Variants in LUC7L2 observed in about 807,000 individuals in gnomAD.
LUC7L2 encodes the protein LUC7 like 2, pre-mRNA splicing factor, also known as putative RNA-binding protein Luc7-like 2.
LUC7L2 carries 25 observed loss-of-function variants against 52.8 expected under a neutral mutation model. That is an observed-to-expected ratio of 0.47 (90% CI 0.34 to 0.66). LUC7L2 has a LOEUF of 0.66. Ranked by LOEUF, LUC7L2 falls within the 30% of genes least tolerant of loss-of-function variation. The probability of loss-of-function intolerance (pLI) is 0.01; values close to 1 mark genes in which losing one functional copy is unlikely to be tolerated. For missense variants in LUC7L2, 328 were observed against 497.8 expected (o/e 0.66, Z 3.25); for synonymous variants, 144 against 160.9 (o/e 0.89, Z 0.80).
chr7:139,402,254 A>G lies in LUC7L2; in HGVS notation c.366+7A>G. ...TGCTGAAGTAGCAGCAAAGGTAAGA[A>G]TTTTAATCATTTCATTAGTACAAAG... On this transcript the variant is annotated splice_region_variant and intron_variant, in intron 4 of 9. Coordinates refer to ENST00000354926, the MANE Select transcript of LUC7L2 (RefSeq NM_016019.5). The G allele has an allele frequency of 6.3e-7, 1 of 1,583,864 alleles. No homozygotes were observed. The highest frequency in any genetic ancestry group is 8.5e-7 in the Non-Finnish European group (1 of 1,169,796).
chr7:139,379,044 A>G (rs1800854116), intron 2 of LUC7L2, among the ~76,000 whole-genome samples: 1 of 152,252 alleles, frequency 6.6e-6, no homozygotes. Flanking sequence ...TTTAGTAGAG[A>G]CGGGGTTTCA....
intron 9 of LUC7L2, among the ~76,000 whole-genome samples, chr7:139,420,509 A>C (rs944096619): frequency 6.6e-6 from 1 of 151,996 alleles, no homozygotes; most frequent in African/African-American, 2.4e-5. Context: ...CACCTTGGCT[A>C]AGTAATTTAT....
intron 4 of LUC7L2, among the ~76,000 whole-genome samples, chr7:139,403,740 T>C (rs147388656): frequency 8.2e-4 from 125 of 152,334 alleles, no homozygotes; most frequent in African/African-American, 2.8e-3. Flanking sequence ...GTCAGTGATT[T>C]AGGCTGAACT....
At chr7:139,385,568 A>T (rs1794160762) in intron 2 of LUC7L2, among the ~76,000 whole-genome samples, 1 of 151,864 alleles carries the variant, frequency 6.6e-6, no homozygotes, top group Admixed American at 6.6e-5. Flanking sequence ...GGATCCTCAC[A>T]CCTGGGCCTC....
intron 1 of LUC7L2, among the ~76,000 whole-genome samples, chr7:139,344,288 C>T (rs1799150622): frequency 6.6e-6 from 1 of 152,088 alleles, no homozygotes; most frequent in African/African-American, 2.4e-5. Context: ...CCAGGACACC[C>T]CCCACCCCCA....
intron 1 of LUC7L2, among the ~76,000 whole-genome samples, chr7:139,365,219 A>G (rs1272158041): frequency 6.6e-6 from 1 of 152,232 alleles, no homozygotes; most frequent in Non-Finnish European, 1.5e-5. Flanking sequence ...CAGCCCAGAA[A>G]ACAATAAAAG....
intron 1 of LUC7L2, among the ~76,000 whole-genome samples, chr7:139,352,117 C>T (rs1799476825): frequency 6.6e-6 from 1 of 152,092 alleles, no homozygotes; most frequent in Non-Finnish European, 1.5e-5. Context: ...ATCACTTGAG[C>T]CCAGGAATTA....
chr7:139,422,137 T>C, intron 9 of LUC7L2, 26 bp from the exon 10 acceptor site: 1 of 1,578,536 alleles, frequency 6.3e-7, no homozygotes, highest in Non-Finnish European at 8.6e-7. Flanking sequence ...CCAACATATT[T>C]TGCTCCTCAA....
At chr7:139,418,291 T>A (rs947934469) in intron 9 of LUC7L2, among the ~76,000 whole-genome samples, 1 of 152,086 alleles carries the variant, frequency 6.6e-6, no homozygotes, top group African/African-American at 2.4e-5. Flanking sequence ...AGGCATAGGG[T>A]AAGGTATGTT....
In LUC7L2 at chr7:139,423,249, T is replaced by G. The variant is rs1795972688; in HGVS notation, c.*909T>G. On this transcript the variant is annotated 3_prime_UTR_variant, in exon 10 of 10. Coordinates refer to ENST00000354926, the MANE Select transcript of LUC7L2 (RefSeq NM_016019.5). ...ATTCTGTTACGTCATTAACAGTGCC[T>G]TACTGTGCAAGGCACCAAAGGACAT... 5.0e-6 allele frequency: 2 copies of G among 399,100 alleles called. No homozygotes were observed. Among genetic ancestry groups the G allele is most frequent in the Non-Finnish European group, 4.4e-6 (1 of 226,076 alleles). The allele number at this position is 399,100 out of a possible 1,614,324, so 24.7% of individuals were successfully genotyped here. A position where few individuals can be genotyped will look rare whatever the true frequency, so the allele number is the denominator to read the frequency against.
rs565192638 is a variant in LUC7L2, at chr7:139,364,642, C to A, written c.61+4320C>A. ...ACTCATCCTCATACCCAGGAAAATA[C>A]TGTTAAGAAAGCCATTTACTTGTTG... On this transcript the variant is annotated intron_variant, in intron 1 of 9. Coordinates refer to ENST00000354926, the MANE Select transcript of LUC7L2 (RefSeq NM_016019.5). Among the ~76,000 whole-genome samples the A allele has an allele frequency of 5.3e-5, 8 of 152,308 alleles. No homozygotes were observed. In the South Asian group the frequency reaches 1.7e-3, roughly 32 times the overall value.
At chr7:139,408,823 CAG>C (rs921270995) in intron 6 of LUC7L2, among the ~76,000 whole-genome samples, 19 of 135,966 alleles carry the variant, frequency 1.4e-4, no homozygotes, top group Non-Finnish European at 2.3e-4. Flanking sequence ...ACCTGGGCGA[CAG>C]AGCGAGACTC....
intron 1 of LUC7L2, among the ~76,000 whole-genome samples, chr7:139,343,510 A>G (rs1448848802): frequency 1.3e-5 from 2 of 152,086 alleles, no homozygotes; most frequent in Admixed American, 1.3e-4. Context: ...CAAGAAGTCG[A>G]TCAAGGCTGC....
At chr7:139,399,796 T>G (rs997451511) in intron 3 of LUC7L2, among the ~76,000 whole-genome samples, 3 of 152,084 alleles carry the variant, frequency 2.0e-5, no homozygotes, top group Non-Finnish European at 4.4e-5. Flanking sequence ...GACAGTGTTT[T>G]TAATGAAAAA....
chr7:139,343,025 G>C (rs534380652), intron 1 of LUC7L2, among the ~76,000 whole-genome samples: 1 of 152,172 alleles, frequency 6.6e-6, no homozygotes, highest in Admixed American at 6.5e-5. Context: ...TCTCCACAGG[G>C]AAAATACAGT....
rs993187964 is a variant in LUC7L2, at chr7:139,360,318, G to A, written c.57G>A (p.Arg19=). Residue 19 remains arginine, a synonymous_variant, in exon 1 of 10, where the codon CGG becomes CGA. Transcript: ENST00000354926. ...AMLDQLMGTS[R]DGDTTRQRIK... ...TGGACCAGTTGATGGGCACCTCCCG[G>A]GACGGTAAGTCTCTGCCAGGGCCCT... 6.4e-7 allele frequency: 1 copy of A among 1,568,084 alleles called. No individual in the cohort carries two copies. Among genetic ancestry groups the A allele is most frequent in the Non-Finnish European group, 8.6e-7 (1 of 1,157,396 alleles).
chr7:139,384,628 TTAAAAAC>T (rs551924976), intron 2 of LUC7L2, among the ~76,000 whole-genome samples: 628 of 152,356 alleles, frequency 4.1e-3, no homozygotes, highest in Middle Eastern at 0.01. Context: ...CTATTAAACC[TTAAAAAC>T]CAAGGCTTTA....
rs1445146342 is a variant in LUC7L2, at chr7:139,405,796, TTAA to T, written c.510+12_510+14del. 2.5e-6 allele frequency: 4 copies of T among 1,589,412 alleles called. No homozygotes were observed. In the African/African-American group the frequency reaches 5.5e-5, roughly 22 times the overall value. On this transcript the variant is annotated intron_variant, in intron 5 of 9. Transcript: ENST00000354926. ...AGAAAAGAGAAGCAGAGGTAAATTC[TTAA>T]TAGTAGTAGACGAATTCTGCTTAAT... is the stretch of plus-strand genomic sequence containing the variant.
intron 2 of LUC7L2, among the ~76,000 whole-genome samples, chr7:139,382,934 CTT>C (rs978107145): frequency 2.1e-5 from 3 of 145,226 alleles, no homozygotes; most frequent in Admixed American, 6.9e-5. Flanking sequence ...GCTGAAGTAT[CTT>C]TTTTTTTTTG....
Sources: gnomAD v4.1 joint callset for allele counts (sites outside exome capture counted in the v4.1 genomes callset) on GRCh38, gnomAD v4.1.1 for gene constraint, MANE v1.5 for transcripts, NCBI Gene and HGNC (gene_info 2026-07-23, HGNC 2026-07-21) for gene names.